CTNNA3: variants seen among roughly 807,000 people sequenced by gnomAD.
CTNNA3 encodes the protein catenin alpha 3.
In CTNNA3, 76 loss-of-function variants were observed where a neutral mutation model predicts 95.7. The ratio of observed to expected loss-of-function variants is 0.79; its 90% CI spans 0.66 to 0.96. The LOEUF is 0.96. CTNNA3 is among the 40% of genes least tolerant of loss of function. The probability of loss-of-function intolerance (pLI) is 0.00; values close to 1 mark genes in which losing one functional copy is unlikely to be tolerated. For missense variants in CTNNA3, 1,191 were observed against 1,089.8 expected (o/e 1.09, Z -1.31); for synonymous variants, 431 against 374.4 (o/e 1.15, Z -1.74).
chr10:67,684,305 T>G (rs1184882065), intron 1 of CTNNA3, among the ~76,000 whole-genome samples: 3 of 152,178 alleles, frequency 2.0e-5, no homozygotes, highest in Admixed American at 2.0e-4. Flanking sequence ...TGCTGATTGG[T>G]GCATTTTTGC....
At chr10:66,211,747 G>A (rs766315797) in intron 13 of CTNNA3, among the ~76,000 whole-genome samples, 2 of 152,288 alleles carry the variant, frequency 1.3e-5, no homozygotes, top group Non-Finnish European at 2.9e-5. Flanking sequence ...AAGAGGTGGA[G>A]TTTACTGTGG....
chr10:66,388,365 T>C (rs2092909847), intron 11 of CTNNA3, among the ~76,000 whole-genome samples: 1 of 152,110 alleles, frequency 6.6e-6, no homozygotes, highest in African/African-American at 2.4e-5. Flanking sequence ...ACAAACTATT[T>C]TTTCCCCAGT....
intron 7 of CTNNA3, among the ~76,000 whole-genome samples, chr10:67,046,020 CATAAA>C (rs1176018275): frequency 6.6e-6 from 1 of 152,054 alleles, no homozygotes; most frequent in Non-Finnish European, 1.5e-5. Flanking sequence ...TGTATCATTA[CATAAA>C]ATAAAAGTGA....
intron 15 of CTNNA3, among the ~76,000 whole-genome samples, chr10:65,994,683 G>C (rs1435598954): frequency 2.0e-5 from 3 of 151,976 alleles, no homozygotes; most frequent in African/African-American, 7.2e-5. Context: ...TTCTGAATCT[G>C]GATGTTCATA....
intron 11 of CTNNA3, among the ~76,000 whole-genome samples, chr10:66,423,667 C>G (rs1377741467): frequency 6.6e-6 from 1 of 152,120 alleles, no homozygotes; most frequent in Non-Finnish European, 1.5e-5. Flanking sequence ...AGAGACATTA[C>G]AACCCCACAA....
At chr10:67,169,963 A>G (rs1457245414) in intron 7 of CTNNA3, among the ~76,000 whole-genome samples, 2 of 152,330 alleles carry the variant, frequency 1.3e-5, no homozygotes, top group South Asian at 2.1e-4. Flanking sequence ...CAGGTAAAGG[A>G]TATGAACACA....
At chr10:66,938,329 A>G (rs1347445144) in intron 7 of CTNNA3, among the ~76,000 whole-genome samples, 1 of 152,186 alleles carries the variant, frequency 6.6e-6, no homozygotes, top group Non-Finnish European at 1.5e-5. Flanking sequence ...TTACTCCCCC[A>G]GAACTACTAA....
chr10:67,635,288 T>G (rs1589515025), intron 2 of CTNNA3, among the ~76,000 whole-genome samples: 3 of 152,168 alleles, frequency 2.0e-5, no homozygotes, highest in South Asian at 4.1e-4. Flanking sequence ...TTCAAAAAAT[T>G]GAAAAGAAGG....
intron 5 of CTNNA3, among the ~76,000 whole-genome samples, chr10:67,393,116 G>A (rs1363680770): frequency 6.6e-6 from 1 of 151,716 alleles, no homozygotes; most frequent in East Asian, 1.9e-4. Flanking sequence ...TGACAGGGAG[G>A]AAGATTTACC....
chr10:66,320,412 C>T (rs956364553), intron 12 of CTNNA3, among the ~76,000 whole-genome samples: 1 of 152,076 alleles, frequency 6.6e-6, no homozygotes, highest in Non-Finnish European at 1.5e-5. Context: ...TAATATATGT[C>T]AGTGTTACCA....
chr10:66,757,737 CAT>C, intron 9 of CTNNA3, among the ~76,000 whole-genome samples: 1 of 152,286 alleles, frequency 6.6e-6, no homozygotes, highest in African/African-American at 2.4e-5. Context: ...AATAATTAAA[CAT>C]ATAAAACTTG....
At chr10:66,155,552 T>A (rs2084448971) in intron 13 of CTNNA3, among the ~76,000 whole-genome samples, 1 of 151,792 alleles carries the variant, frequency 6.6e-6, no homozygotes, top group African/African-American at 2.4e-5. Context: ...CCCACACACG[T>A]TCCTGATCTA....
At chr10:66,808,112 A>T (rs1351954607) in intron 7 of CTNNA3, among the ~76,000 whole-genome samples, 10 of 152,264 alleles carry the variant, frequency 6.6e-5, no homozygotes, top group South Asian at 4.1e-4. Flanking sequence ...GGCAGGTCTC[A>T]TCGGCAAAAA....
At chr10:67,317,369 C>A (rs1346099962) in intron 5 of CTNNA3, among the ~76,000 whole-genome samples, 4 of 151,260 alleles carry the variant, frequency 2.6e-5, no homozygotes, top group Non-Finnish European at 4.4e-5. Context: ...CCCGTCCCCC[C>A]ACCCCACAAC....
intron 12 of CTNNA3, among the ~76,000 whole-genome samples, chr10:66,343,830 A>G (rs953039575): frequency 3.9e-5 from 6 of 152,034 alleles, no homozygotes; most frequent in African/African-American, 7.2e-5. Context: ...CTATGTACTC[A>G]TAAGTATGTG....
intron 12 of CTNNA3, among the ~76,000 whole-genome samples, chr10:66,289,263 C>A (rs1484553729): frequency 7.0e-6 from 1 of 142,580 alleles, no homozygotes; most frequent in Non-Finnish European, 1.5e-5. Context: ...AGCATAAGAG[C>A]TTCCTATATG....
chr10:65,966,571 A>G (rs139594183), intron 17 of CTNNA3, 41 bp downstream of exon 17: 4 of 1,550,638 alleles, frequency 2.6e-6, no homozygotes, highest in South Asian at 2.5e-5. Context: ...TGTTTCAAGC[A>G]TCTTCCACCT....
At chr10:67,750,915 C>A in intron 1 of CTNNA3, 1 of 1,610,100 alleles carries the variant, frequency 6.2e-7, no homozygotes, top group Non-Finnish European at 8.5e-7. Context: ...TGGCCTACAG[C>A]CCCCTAGGCT....
intron 7 of CTNNA3, among the ~76,000 whole-genome samples, chr10:67,051,762 T>C (rs1403734830): frequency 2.1e-5 from 1 of 47,702 alleles, no homozygotes; most frequent in Non-Finnish European, 5.1e-5. Context: ...CCTACAATTT[T>C]TTTTTTTTTT....
Sources: gnomAD v4.1 joint callset for allele counts (sites outside exome capture counted in the v4.1 genomes callset) on GRCh38, gnomAD v4.1.1 for gene constraint, MANE v1.5 for transcripts, NCBI Gene and HGNC (gene_info 2026-07-23, HGNC 2026-07-21) for gene names.